Variants in ADGRD1 observed in about 807,000 individuals in gnomAD.
ADGRD1 encodes the protein adhesion G protein-coupled receptor D1.
A neutral mutation model predicts 113.4 loss-of-function variants in ADGRD1; 77 were observed. The ratio of observed to expected loss-of-function variants is 0.68; its 90% CI spans 0.57 to 0.82. ADGRD1 has a LOEUF of 0.82. Ranked by LOEUF, ADGRD1 falls within the 40% of genes least tolerant of loss-of-function variation. The pLI is 0.00. For missense variants in ADGRD1, 1,036 were observed against 1,139.1 expected (o/e 0.91, Z 1.30); for synonymous variants, 474 against 475.0 (o/e 1.00, Z 0.03).
At chr12:130,959,335 C>G (rs1407533144) in intron 2 of ADGRD1, among the ~76,000 whole-genome samples, 9 of 152,178 alleles carry the variant, frequency 5.9e-5, no homozygotes, top group African/African-American at 1.4e-4. Context: ...ACTTTGGGAG[C>G]CTGAGCCAGG....
chr12:130,997,692 C>G (rs7313771), intron 8 of ADGRD1, among the ~76,000 whole-genome samples: 2 of 150,242 alleles, frequency 1.3e-5, no homozygotes, highest in Non-Finnish European at 3.0e-5. Context: ...GGATGGCGGC[C>G]GGGCAGAGAC....
At position 131,084,457 on chromosome 12, in the gene ADGRD1, T is replaced by A. The variant is rs950699494; in HGVS notation, c.1548-83T>A. ...GCCGCCATGAGTTCACGGGGCCATG[T>A]GTTATGGGGGGTGCTGCTCTCAGTC... is the stretch of plus-strand genomic sequence containing the variant. On this transcript the variant is annotated intron_variant, in intron 14 of 24. Transcript: ENST00000261654. The surrounding 1 kb of genome is among the most constrained non-coding windows in gnomAD (Gnocchi z 4.5). 3 of 1,472,942 alleles carry A rather than the reference T, an allele frequency of 2.0e-6. No homozygotes were observed. The highest frequency in any genetic ancestry group is 2.8e-6 in the Non-Finnish European group (3 of 1,059,368). The allele number at this position is 1,472,942 out of a possible 1,614,324, so 91.2% of individuals were successfully genotyped here. A position where few individuals can be genotyped will look rare whatever the true frequency, so the allele number is the denominator to read the frequency against.
chr12:131,121,568 C>T (rs1324976281), intron 20 of ADGRD1, among the ~76,000 whole-genome samples: 4 of 152,118 alleles, frequency 2.6e-5, no homozygotes, highest in East Asian at 1.9e-4. Flanking sequence ...TTAGTAGAGA[C>T]GGGGTTTCAC....
intron 4 of ADGRD1, chr12:130,976,960 A>C (rs930553810): frequency 6.6e-6 from 1 of 152,348 alleles, no homozygotes; most frequent in Non-Finnish European, 1.5e-5. Flanking sequence ...CAGGAGGTCA[A>C]GCCTGCAGTG....
At chr12:131,032,980 C>G (rs891779138) in intron 13 of ADGRD1, among the ~76,000 whole-genome samples, 1 of 149,764 alleles carries the variant, frequency 6.7e-6, no homozygotes, top group Non-Finnish European at 1.5e-5. Flanking sequence ...CACCCCGTCA[C>G]AGAGGTGACG....
rs1381738926 is a variant in ADGRD1 at position 131,007,544 on chromosome 12, C to T, written c.1331+1497C>T. 3.3e-5 allele frequency among the ~76,000 whole-genome samples: 5 copies of T among 152,348 alleles called. No homozygotes were observed. The Middle Eastern group carries it at 0.01, about 311-fold the overall frequency. ...CCTGTCCCCAGGGCCTCAGCCTTCA[C>T]TCTCCCTCTGCTGTCCTCACGGACC... On this transcript the variant is annotated intron_variant, in intron 12 of 24. Coordinates refer to ENST00000261654, the MANE Select transcript of ADGRD1 (RefSeq NM_198827.5).
intron 2 of ADGRD1, among the ~76,000 whole-genome samples, chr12:130,956,037 C>T (rs2136453727): frequency 6.6e-6 from 1 of 152,370 alleles, no homozygotes. Flanking sequence ...GATCCAACCA[C>T]CTCGGCCTCC....
rs887195242 is a variant in ADGRD1 at position 130,966,804 on chromosome 12, T to G, written c.187+258T>G. On this transcript the variant is annotated intron_variant, in intron 3 of 24. Transcript: ENST00000261654. This position sits in a 1 kb window ranked among gnomAD's most constrained non-coding sequence, Gnocchi z 4.6. ...AGTTATTTCAAAGCTTTTTTTTTTG[T>G]AGAGATGGGGTCTTGCTATGTTGCC... 4.9e-6 allele frequency: 2 copies of G among 412,100 alleles called. No individual in the cohort carries two copies. Among genetic ancestry groups the G allele is most frequent in the Non-Finnish European group, 9.1e-6 (2 of 219,414 alleles). The allele number at this position is 412,100 out of a possible 1,614,324, so 25.5% of individuals were successfully genotyped here.
intron 4 of ADGRD1, among the ~76,000 whole-genome samples, chr12:130,980,470 T>C (rs1403619202): frequency 6.6e-6 from 1 of 151,514 alleles, no homozygotes; most frequent in Non-Finnish European, 1.5e-5. Context: ...TGGTCTCGGC[T>C]CACTGCAACC....
chr12:131,050,412 T>C lies in ADGRD1; in HGVS notation c.1474-26389T>C, dbSNP rs1883264776. On this transcript the variant is annotated intron_variant, in intron 13 of 24. Coordinates refer to ENST00000261654, the MANE Select transcript of ADGRD1 (RefSeq NM_198827.5). This position sits in a 1 kb window ranked among gnomAD's most constrained non-coding sequence, Gnocchi z 4.8. ...GTTGCCCTGTGTGTTAGTCTGTTCA[T>C]TGCTATAAGAAATACCTGAGGCTGG... is the stretch of plus-strand genomic sequence containing the variant. Among the ~76,000 whole-genome samples the C allele has an allele frequency of 6.6e-6, 1 of 152,144 alleles. No homozygotes were observed. Among genetic ancestry groups the C allele is most frequent in the Admixed American group, 6.5e-5 (1 of 15,274 alleles).
intron 13 of ADGRD1, among the ~76,000 whole-genome samples, chr12:131,043,390 AG>A (rs1490070861): frequency 6.6e-6 from 1 of 152,206 alleles, no homozygotes; most frequent in African/African-American, 2.4e-5. Flanking sequence ...CTGGACTGAC[AG>A]GGGTGAAAAC....
intron 4 of ADGRD1, among the ~76,000 whole-genome samples, chr12:130,979,754 G>C (rs1344960306): frequency 6.6e-6 from 1 of 151,908 alleles, no homozygotes; most frequent in Non-Finnish European, 1.5e-5. Context: ...GGCTTGGCGG[G>C]GGTGAGGCAG....
chr12:131,124,389 T>G (rs940013369), intron 20 of ADGRD1, among the ~76,000 whole-genome samples: 1 of 152,228 alleles, frequency 6.6e-6, no homozygotes. Context: ...AGGTTTGGGT[T>G]TGGGGAGTAT....
intron 17 of ADGRD1, among the ~76,000 whole-genome samples, chr12:131,106,787 C>G (rs1052808400): frequency 1.3e-5 from 2 of 152,188 alleles, no homozygotes; most frequent in African/African-American, 4.8e-5. Context: ...ACCTCAGACT[C>G]GGGAGCATCT....
intron 13 of ADGRD1, among the ~76,000 whole-genome samples, chr12:131,064,184 G>T (rs1319690922): frequency 6.6e-6 from 1 of 152,098 alleles, no homozygotes; most frequent in African/African-American, 2.4e-5. Flanking sequence ...TTTCTGTGCT[G>T]GCTGGAATCC....
chr12:131,123,146 T>C (rs551915738), intron 20 of ADGRD1, among the ~76,000 whole-genome samples: 1 of 139,986 alleles, frequency 7.1e-6, no homozygotes, highest in Admixed American at 7.6e-5. Context: ...AACCTCTGCT[T>C]CCCAGGTTCA....
intron 20 of ADGRD1, among the ~76,000 whole-genome samples, chr12:131,122,808 G>T (rs569198597): frequency 3.4e-4 from 52 of 152,300 alleles, no homozygotes; most frequent in Middle Eastern, 6.8e-3. Context: ...GACAGCTGGG[G>T]TTCCGAGGTG....
At chr12:131,104,002 G>A (rs921217629) in intron 15 of ADGRD1, among the ~76,000 whole-genome samples, 33 of 152,350 alleles carry the variant, frequency 2.2e-4, no homozygotes, top group African/African-American at 7.7e-4. Context: ...AACCGAGGGG[G>A]CGCCGTCTGG....
intron 23 of ADGRD1, chr12:131,137,753 A>G (rs1566145844): frequency 6.9e-6 from 2 of 288,580 alleles, no homozygotes; most frequent in African/African-American, 4.3e-5. Context: ...ACGCCCAGTG[A>G]CCCCTTGCAA....
Sources: allele counts gnomAD v4.1 joint callset (sites outside exome capture counted in the v4.1 genomes callset), GRCh38; gene constraint gnomAD v4.1.1; non-coding constraint Gnocchi (gnomAD v3.1); transcripts MANE v1.5; gene names NCBI Gene and HGNC (gene_info 2026-07-23, HGNC 2026-07-21).